The following SLC25A12 variants were observed in gnomAD, a reference collection of about 807,000 sequenced individuals.
The protein encoded by SLC25A12 is solute carrier family 25 member 12.
SLC25A12 carries 32 observed loss-of-function variants against 83.3 expected under a neutral mutation model. The observed-to-expected ratio is 0.38, with a 90% CI of 0.29 to 0.52. The LOEUF (loss-of-function observed/expected upper bound fraction) is 0.52, where lower values mean the gene tolerates loss of function less well. SLC25A12 is among the 20% of genes least tolerant of loss of function. The pLI is 0.84. For synonymous variants in SLC25A12, 267 were observed against 291.1 expected, an observed-to-expected ratio of 0.92 and a Z score of 0.84; for missense variants, 611 against 835.6, an observed-to-expected ratio of 0.73 and a Z score of 3.31.
chr2:171,886,959 T>A (rs1254034691), intron 2 of SLC25A12, among the ~76,000 whole-genome samples: 2 of 152,238 alleles, frequency 1.3e-5, no homozygotes, highest in African/African-American at 4.8e-5. Flanking sequence ...AAATACTGTA[T>A]CACCCTTTAA....
intron 13 of SLC25A12, among the ~76,000 whole-genome samples, chr2:171,799,240 C>A (rs1226952459): frequency 6.6e-6 from 1 of 152,154 alleles, no homozygotes; most frequent in East Asian, 1.9e-4. Flanking sequence ...TTAATAGCAG[C>A]CAAAATGAAC....
intron 14 of SLC25A12, among the ~76,000 whole-genome samples, chr2:171,792,283 CTTT>C (rs1683493512): frequency 6.6e-6 from 1 of 151,106 alleles, no homozygotes; most frequent in Non-Finnish European, 1.5e-5. Context: ...CTGTTTTATT[CTTT>C]TTAATTTTTT....
At chr2:171,886,654 C>T (rs947865092) in intron 2 of SLC25A12, among the ~76,000 whole-genome samples, 3 of 151,870 alleles carry the variant, frequency 2.0e-5, no homozygotes, top group Admixed American at 1.3e-4. Flanking sequence ...GGACTACAGG[C>T]ACCCGCCACC....
chr2:171,795,999 T>C (rs1342762162), intron 13 of SLC25A12, among the ~76,000 whole-genome samples: 4 of 152,164 alleles, frequency 2.6e-5, no homozygotes, highest in Non-Finnish European at 5.9e-5. Flanking sequence ...CAGGCTGGAG[T>C]GCAGTGGCAG....
intron 5 of SLC25A12, 132 bp downstream of exon 5, chr2:171,844,237 G>T: frequency 1.1e-6 from 1 of 885,368 alleles, no homozygotes; most frequent in Non-Finnish European, 1.8e-6. Flanking sequence ...TGTCTCTGGC[G>T]AGGGGGAAAT....
chr2:171,857,895 C>G (rs190992623), intron 3 of SLC25A12, among the ~76,000 whole-genome samples: 1 of 151,436 alleles, frequency 6.6e-6, no homozygotes, highest in Non-Finnish European at 1.5e-5. Context: ...GAGTGAGACC[C>G]AAGTGAGACC....
chr2:171,883,640 C>G (rs1036031201), intron 2 of SLC25A12, among the ~76,000 whole-genome samples: 1 of 152,168 alleles, frequency 6.6e-6, no homozygotes, highest in Non-Finnish European at 1.5e-5. Flanking sequence ...ACATCAAACC[C>G]TTTTCTATAT....
intron 2 of SLC25A12, among the ~76,000 whole-genome samples, chr2:171,888,717 A>G (rs751911754): frequency 2.6e-4 from 40 of 152,286 alleles, no homozygotes; most frequent in Middle Eastern, 3.4e-3. Context: ...TGCTGGGATT[A>G]CAGGTGTGAG....
chr2:171,819,317 A>T, intron 9 of SLC25A12, among the ~76,000 whole-genome samples: 1 of 124,722 alleles, frequency 8.0e-6, no homozygotes, highest in African/African-American at 3.0e-5. Flanking sequence ...AATTATATAT[A>T]ATACATAATA....
rs911856496 is a variant in SLC25A12 at position 171,785,005 on chromosome 2, G to T, written c.*269C>A. 5 of 417,456 alleles carry T rather than the reference G, an allele frequency of 1.2e-5. No individual in the cohort carries two copies. The highest frequency in any genetic ancestry group is 1.0e-4 in the African/African-American group (5 of 49,336). The allele number at this position is 417,456 out of a possible 1,614,324, so 25.9% of individuals were successfully genotyped here. ...ATATGTACAATCACTGTAAGTGCAA[G>T]CTGTGCAAAGCAGAGTCTAGAACAC... On this transcript the variant is annotated 3_prime_UTR_variant, in exon 18 of 18. Coordinates refer to ENST00000422440, the MANE Select transcript of SLC25A12 (RefSeq NM_003705.5).
At chr2:171,822,247 C>T (rs1684208007) in intron 9 of SLC25A12, among the ~76,000 whole-genome samples, 1 of 152,160 alleles carries the variant, frequency 6.6e-6, no homozygotes, top group African/African-American at 2.4e-5. Flanking sequence ...ATGGGCTTCT[C>T]ATATTTGATA....
chr2:171,868,132 A>C (rs575366260), intron 3 of SLC25A12, among the ~76,000 whole-genome samples: 82 of 152,234 alleles, frequency 5.4e-4, no homozygotes, highest in Middle Eastern at 3.4e-3. Flanking sequence ...GGCGTGAGCC[A>C]CCGCGCCCAG....
intron 10 of SLC25A12, 68 bp from the exon 11 acceptor site, chr2:171,813,565 AATCTT>A: frequency 2.7e-6 from 4 of 1,484,804 alleles, no homozygotes; most frequent in Non-Finnish European, 3.8e-6. Context: ...AAGGATGACA[AATCTT>A]ATCTTAAAGG....
At chr2:171,853,353 A>G (rs1386430939) in intron 4 of SLC25A12, among the ~76,000 whole-genome samples, 6 of 152,248 alleles carry the variant, frequency 3.9e-5, no homozygotes, top group Admixed American at 3.9e-4. Context: ...CATAAATCAT[A>G]GTTTGAAAGA....
intron 17 of SLC25A12, 92 bp from the exon 18 acceptor site, chr2:171,785,567 AAAG>A: frequency 1.8e-6 from 2 of 1,123,854 alleles, no homozygotes; most frequent in Admixed American, 1.8e-5. Flanking sequence ...CATGTGCCAC[AAAG>A]AAGAATGTTT....
At chr2:171,785,882 G>A (rs1273439520) in intron 17 of SLC25A12, among the ~76,000 whole-genome samples, 2 of 151,986 alleles carry the variant, frequency 1.3e-5, no homozygotes, top group Admixed American at 1.3e-4. Context: ...GAATCCTTCT[G>A]CCTTGGCCTC....
At chr2:171,843,315 CAAAT>C (rs1214250773) in intron 5 of SLC25A12, among the ~76,000 whole-genome samples, 1 of 152,028 alleles carries the variant, frequency 6.6e-6, no homozygotes, top group African/African-American at 2.4e-5. Flanking sequence ...GAAAACTAAA[CAAAT>C]GAAAACTAGA....
At chr2:171,828,009 G>T (rs1182308495) in intron 8 of SLC25A12, among the ~76,000 whole-genome samples, 1 of 152,162 alleles carries the variant, frequency 6.6e-6, no homozygotes, top group African/African-American at 2.4e-5. Context: ...ATCTAAGCAT[G>T]AAGGCAACTG....
intron 8 of SLC25A12, 29 bp downstream of exon 8, chr2:171,833,934 A>G: frequency 7.7e-7 from 1 of 1,292,370 alleles, no homozygotes; most frequent in Non-Finnish European, 1.1e-6. Context: ...TCTATAATAA[A>G]TATCATGAAG....
Sources: gnomAD v4.1 joint callset for allele counts (sites outside exome capture counted in the v4.1 genomes callset) on GRCh38, gnomAD v4.1.1 for gene constraint, MANE v1.5 for transcripts, NCBI Gene and HGNC (gene_info 2026-07-23, HGNC 2026-07-21) for gene names.